The following CHD7 variants were observed in gnomAD, a reference collection of about 807,000 sequenced individuals.
CHD7 encodes the protein ATP-dependent chromatin remodeler CHD7.
CHD7 carries 24 observed loss-of-function variants against 307.3 expected under a neutral mutation model. The observed-to-expected ratio is 0.08, with a 90% confidence interval of 0.06 to 0.11. The LOEUF (loss-of-function observed/expected upper bound fraction) is 0.11, where lower values mean the gene tolerates loss of function less well. Among genes scored for constraint, CHD7 ranks in the 10% least tolerant of loss-of-function variants. The pLI, the probability that CHD7 is intolerant of heterozygous loss-of-function variation, is 1.00. For synonymous variants in CHD7, 1,363 were observed against 1,349.9 expected (o/e 1.01, Z -0.21); for missense variants, 3,106 against 3,727.1 (o/e 0.83, Z 4.34).
chr8:60,718,297 C>T (rs1807717289), intron 1 of CHD7, among the ~76,000 whole-genome samples: 1 of 152,008 alleles, frequency 6.6e-6, no homozygotes, highest in Non-Finnish European at 1.5e-5. Flanking sequence ...GCCAACATGG[C>T]AAAACCCCAT....
chr8:60,850,170 C>T (rs940297335), intron 25 of CHD7, among the ~76,000 whole-genome samples: 9 of 152,156 alleles, frequency 5.9e-5, no homozygotes, highest in Non-Finnish European at 1.2e-4. Context: ...GCGAATCCTT[C>T]TAAATGTCAA....
intron 23 of CHD7, 25 bp from the exon 24 acceptor site, chr8:60,848,490 T>A (rs750316551): frequency 6.3e-6 from 10 of 1,580,582 alleles, no homozygotes; most frequent in East Asian, 2.2e-5. Context: ...TAAGAACTTT[T>A]TCCCCCCTCT....
At chr8:60,839,279 C>A (rs1804868753) in intron 19 of CHD7, among the ~76,000 whole-genome samples, 1 of 152,124 alleles carries the variant, frequency 6.6e-6, no homozygotes, top group Non-Finnish European at 1.5e-5. Flanking sequence ...TAGTTCACTC[C>A]TTTTTATTGC....
Position 60,865,195 on chromosome 8 carries a change from A to G in CHD7, c.8256A>G (p.Gly2752=). The G allele has an allele frequency of 6.2e-7, 1 of 1,611,716 alleles. No homozygotes were observed. The highest frequency in any genetic ancestry group is 1.3e-5 in the African/African-American group (1 of 75,026). ...NPLLVNSLFA[G]MDLTSLQNLQ... is the part of the protein sequence containing the mutation. ...TGCTGGTGAACAGCCTGTTTGCTGG[A>G]ATGGACCTGACGAGCCTTCAGAATC... Residue 2752 remains glycine (G), a synonymous_variant, in exon 38 of 38, where the codon GGA becomes GGG. Transcript: ENST00000423902. The surrounding 1 kb of genome is among the most constrained non-coding windows in gnomAD (Gnocchi z 4.3).
At chr8:60,777,754 C>T (rs1811022080) in intron 2 of CHD7, among the ~76,000 whole-genome samples, 1 of 152,144 alleles carries the variant, frequency 6.6e-6, no homozygotes, top group Non-Finnish European at 1.5e-5. Context: ...ACACACTCAC[C>T]TTAGATCATT....
intron 1 of CHD7, among the ~76,000 whole-genome samples, chr8:60,712,408 T>C (rs180799268): frequency 6.6e-6 from 1 of 152,308 alleles, no homozygotes; most frequent in East Asian, 1.9e-4. Flanking sequence ...GACTCTGAGA[T>C]GCTTCAGATA....
chr8:60,852,396 A>G (rs545263891), intron 29 of CHD7, 102 bp from the exon 30 acceptor site: 41 of 1,323,050 alleles, frequency 3.1e-5, no homozygotes, highest in Admixed American at 4.9e-5. Context: ...CCCACCCCCA[A>G]ATAACTACCA....
At chr8:60,828,054 G>A (rs1390468855) in intron 13 of CHD7, among the ~76,000 whole-genome samples, 1 of 151,968 alleles carries the variant, frequency 6.6e-6, no homozygotes, top group African/African-American at 2.4e-5. Context: ...TCGTAAACAG[G>A]AAGAATTAAT....
At chr8:60,711,093 C>A (rs996371019) in intron 1 of CHD7, among the ~76,000 whole-genome samples, 1 of 152,130 alleles carries the variant, frequency 6.6e-6, no homozygotes, top group Non-Finnish European at 1.5e-5. Flanking sequence ...CCTGTGTTCC[C>A]TACATTTCTG....
intron 3 of CHD7, among the ~76,000 whole-genome samples, chr8:60,785,381 A>G (rs1441058261): frequency 6.6e-6 from 1 of 152,160 alleles, no homozygotes; most frequent in African/African-American, 2.4e-5. Flanking sequence ...CTAAAATGTT[A>G]TTTTTCAATT....
At chr8:60,839,207 G>A (rs1231355335) in intron 19 of CHD7, among the ~76,000 whole-genome samples, 1 of 152,182 alleles carries the variant, frequency 6.6e-6, no homozygotes, top group African/African-American at 2.4e-5. Flanking sequence ...GATCTTTTGT[G>A]TCTGACTTCA....
intron 2 of CHD7, among the ~76,000 whole-genome samples, chr8:60,765,547 A>G (rs1810433054): frequency 6.6e-6 from 1 of 152,220 alleles, no homozygotes; most frequent in African/African-American, 2.4e-5. Flanking sequence ...GTAGGAATTA[A>G]CTTGGAGAAG....
At chr8:60,864,800 A>G (rs901716350) in intron 37 of CHD7, 16 of 561,812 alleles carry the variant, frequency 2.8e-5, no homozygotes, top group African/African-American at 2.8e-4. Context: ...TACCTCACTG[A>G]TGAGTAGCCT....
At chr8:60,862,821 A>AC in intron 37 of CHD7, 169 bp downstream of exon 37, 2 of 380,410 alleles carry the variant, frequency 5.3e-6, no homozygotes, top group South Asian at 3.0e-5. Flanking sequence ...ATACATCATT[A>AC]ATCCAAAGTG....
chr8:60,694,681 A>C (rs968522548), intron 1 of CHD7, among the ~76,000 whole-genome samples: 1 of 152,210 alleles, frequency 6.6e-6, no homozygotes. Flanking sequence ...TGCAGGAGCT[A>C]TGGCCCCCAG....
At position 60,865,926 on chromosome 8, in the gene CHD7, A is replaced by G; in HGVS notation, c.8987A>G (p.Asp2996Gly). ...GGDEIENNEN[D>G]E is the part of the protein sequence containing the mutation. ...GATGAAATAGAAAACAATGAAAATGATGAATAACCAGTACCAGTTCCAGTT... is the reference window on the plus strand; with the variant it reads ...GATGAAATAGAAAACAATGAAAATGGTGAATAACCAGTACCAGTTCCAGTT... The change falls in exon 38 of 38, where the codon GAT becomes GGT. Residue 2996 changes from aspartate to glycine, a missense_variant. Physicochemically the swap from Asp to Gly is moderately conservative, Grantham distance 94 (BLOSUM62 -1). Coordinates refer to ENST00000423902, the MANE Select transcript of CHD7 (RefSeq NM_017780.4). The surrounding 1 kb of genome is among the most constrained non-coding windows in gnomAD (Gnocchi z 4.3). 1 of 1,598,002 alleles carries G rather than the reference A, an allele frequency of 6.3e-7. No homozygotes were observed.
intron 25 of CHD7, among the ~76,000 whole-genome samples, chr8:60,850,270 G>A (rs563395964): frequency 6.6e-6 from 1 of 152,314 alleles, no homozygotes; most frequent in South Asian, 2.1e-4. Flanking sequence ...AGTGTTTGTG[G>A]TAATTCTGAT....
chr8:60,827,775 G>A (rs1485510165), intron 13 of CHD7, among the ~76,000 whole-genome samples: 1 of 151,624 alleles, frequency 6.6e-6, no homozygotes, highest in East Asian at 1.9e-4. Context: ...TATTTACTGA[G>A]CGTATACTCT....
In CHD7 at chr8:60,865,894, T is replaced by G. The variant is rs1563675156; in HGVS notation, c.8955T>G (p.Asp2985Glu). Residue 2985 changes from aspartate (D) to glutamate (E), a missense_variant, in exon 38 of 38, where the codon GAT becomes GAG. Asp to Glu is a conservative substitution (Grantham distance 45). This residue lies in a region of CHD7 where 351 missense variants were observed against 366.2 expected (regional missense o/e 0.96). Coordinates refer to ENST00000423902, the MANE Select transcript of CHD7 (RefSeq NM_017780.4). This position sits in a 1 kb window ranked among gnomAD's most constrained non-coding sequence, Gnocchi z 4.3. ...IAQGEELDSL[D>E]GGDEIENNEN... ...AGGGTGAAGAGCTAGACTCACTTGATGGGGGGGATGAAATAGAAAACAATG... is the reference window on the plus strand; with the variant it reads ...AGGGTGAAGAGCTAGACTCACTTGAGGGGGGGGATGAAATAGAAAACAATG... 6.2e-7 allele frequency: 1 copy of G among 1,609,284 alleles called. No homozygotes were observed. Among genetic ancestry groups the G allele is most frequent in the African/African-American group, 1.3e-5 (1 of 74,984 alleles).
Sources: gnomAD v4.1 joint callset for allele counts (sites outside exome capture counted in the v4.1 genomes callset) on GRCh38, gnomAD v4.1.1 for gene constraint, gnomAD v4.1.1 regional missense constraint, Gnocchi (gnomAD v3.1) non-coding constraint, MANE v1.5 for transcripts, NCBI Gene and HGNC (gene_info 2026-07-23, HGNC 2026-07-21) for gene names.